Variants in ELFN2 observed in about 807,000 individuals in gnomAD.
The protein encoded by ELFN2 is extracellular leucine rich repeat and fibronectin type III domain containing 2.
ELFN2 carries 17 observed loss-of-function variants against 45.5 expected under a neutral mutation model. The ratio of observed to expected loss-of-function variants is 0.37; its 90% CI spans 0.26 to 0.56. The LOEUF is 0.56. Ranked by LOEUF, ELFN2 falls within the 20% of genes least tolerant of loss-of-function variation. The pLI, the probability that ELFN2 is intolerant of heterozygous loss-of-function variation, is 0.77. For synonymous variants in ELFN2, 550 were observed against 551.5 expected (o/e 1.00, Z 0.04); for missense variants, 922 against 1,183.2 (o/e 0.78, Z 3.24).
chr22:37,415,890 G>T (rs1049622471), intron 2 of ELFN2, among the ~76,000 whole-genome samples: 1 of 152,226 alleles, frequency 6.6e-6, no homozygotes, highest in Non-Finnish European at 1.5e-5. Context: ...TTGAACCCGG[G>T]AGACGGAGGT....
At chr22:37,424,357 C>T (rs1185507360) in intron 1 of ELFN2, among the ~76,000 whole-genome samples, 2 of 152,258 alleles carry the variant, frequency 1.3e-5, no homozygotes, top group Non-Finnish European at 2.9e-5. Flanking sequence ...AACAAGCATC[C>T]TACAAGACCT....
At chr22:37,403,879 G>C (rs951147107) in intron 2 of ELFN2, among the ~76,000 whole-genome samples, 1 of 152,224 alleles carries the variant, frequency 6.6e-6, no homozygotes, top group African/African-American at 2.4e-5. Flanking sequence ...AGCCTTCTGA[G>C]TCTCAGCTTC....
intron 2 of ELFN2, among the ~76,000 whole-genome samples, chr22:37,400,639 G>T (rs1447734155): frequency 1.3e-5 from 2 of 152,112 alleles, no homozygotes; most frequent in Non-Finnish European, 2.9e-5. Flanking sequence ...CGGTGGGCAC[G>T]CCTGCTGGGA....
chr22:37,350,520 G>A (rs1289287620), intron 1 of ELFN2, among the ~76,000 whole-genome samples: 4 of 150,374 alleles, frequency 2.7e-5, no homozygotes, highest in South Asian at 2.1e-4. Flanking sequence ...AGAGACAGCC[G>A]CAGGCCCTAT....
intron 2 of ELFN2, among the ~76,000 whole-genome samples, chr22:37,411,539 G>A (rs971908233): frequency 3.3e-5 from 5 of 151,614 alleles, no homozygotes; most frequent in Non-Finnish European, 5.9e-5. Context: ...TTTGCCTGAG[G>A]TCCAGAGGGA....
At chr22:37,405,104 T>TTTA (rs1932464793) in intron 2 of ELFN2, among the ~76,000 whole-genome samples, 1 of 148,846 alleles carries the variant, frequency 6.7e-6, no homozygotes, top group Non-Finnish European at 1.5e-5. Flanking sequence ...TTTTTTTTTT[T>TTTA]TTTTTTTTGA....
chr22:37,356,641 A>G (rs1057074817), intron 1 of ELFN2, among the ~76,000 whole-genome samples: 2 of 152,150 alleles, frequency 1.3e-5, no homozygotes, highest in Non-Finnish European at 1.5e-5. Flanking sequence ...CACGGCAGAC[A>G]CTTATGTGTG....
At chr22:37,388,665 C>T (rs1249792653) in intron 2 of ELFN2, among the ~76,000 whole-genome samples, 5 of 152,178 alleles carry the variant, frequency 3.3e-5, no homozygotes, top group Non-Finnish European at 5.9e-5. Context: ...TCCCTCCAGC[C>T]TCAGTTGGGC....
intron 2 of ELFN2, among the ~76,000 whole-genome samples, chr22:37,394,382 C>G (rs1455846901): frequency 1.3e-5 from 2 of 152,228 alleles, no homozygotes; most frequent in Non-Finnish European, 2.9e-5. Flanking sequence ...TCTTAATACC[C>G]TTTCAGCCGC....
At chr22:37,366,341 C>T (rs1931205919), downstream of ELFN2, among the ~76,000 whole-genome samples, 2 of 152,338 alleles carry the variant, frequency 1.3e-5, no homozygotes, top group African/African-American at 2.4e-5. Flanking sequence ...CTCCACCCAC[C>T]GGAGCAAAGC....
intron 1 of ELFN2, among the ~76,000 whole-genome samples, chr22:37,419,381 C>A (rs900227189): frequency 3.9e-5 from 6 of 152,070 alleles, no homozygotes; most frequent in Non-Finnish European, 1.5e-5. Flanking sequence ...CACACCCAGA[C>A]AGAATCCACA....
At chr22:37,385,350 G>A (rs1267551956) in intron 2 of ELFN2, 1 of 152,242 alleles carries the variant, frequency 6.6e-6, no homozygotes, top group African/African-American at 2.4e-5. Flanking sequence ...CAGCCTCCAC[G>A]GCCCCAGGCT....
chr22:37,425,464 T>C (rs984679130), intron 1 of ELFN2, among the ~76,000 whole-genome samples: 4 of 151,392 alleles, frequency 2.6e-5, no homozygotes, highest in African/African-American at 7.3e-5. Context: ...TTCCCACCCC[T>C]CATATACAAG....
At chr22:37,394,086 G>A (rs1388925292) in intron 2 of ELFN2, among the ~76,000 whole-genome samples, 1 of 152,170 alleles carries the variant, frequency 6.6e-6, no homozygotes, top group Non-Finnish European at 1.5e-5. Flanking sequence ...TGGAGCCTTT[G>A]CTCCTGGCCC....
Position 37,375,547 on chromosome 22 carries a change from GGAGT to G in ELFN2, c.-17_-14del. On this transcript the variant is annotated 5_prime_UTR_variant, in exon 3 of 3. Coordinates refer to ENST00000402918, the MANE Select transcript of ELFN2 (RefSeq NM_052906.5). The stretch of plus-strand genomic sequence containing the variant: ...CCAGGCGCAGCATGGCGCTGGCCTC[GGAGT>G]GAGGGGCCAGGGCAAGGCAGGGGGT... 1 of 1,532,460 alleles carries G rather than the reference GGAGT, an allele frequency of 6.5e-7. No individual in the cohort carries two copies. The allele number at this position is 1,532,460 out of a possible 1,614,324, so 94.9% of individuals were successfully genotyped here.
At chr22:37,411,285 C>T (rs889087613) in intron 2 of ELFN2, among the ~76,000 whole-genome samples, 19 of 152,168 alleles carry the variant, frequency 1.2e-4, no homozygotes, top group Admixed American at 3.9e-4. Flanking sequence ...GAGTGTCTAG[C>T]GGGGCAGCAA....
In ELFN2 at chr22:37,372,943, C is replaced by T. The variant is rs936116199; in HGVS notation, c.*129G>A. The stretch of plus-strand genomic sequence containing the variant: ...AGGTGTGTGTGTGCGTGCGTGCGTG[C>T]GGGTCTGCATGTGCGTCCTCTCCTG... On this transcript the variant is annotated 3_prime_UTR_variant, in exon 3 of 3. Coordinates refer to ENST00000402918, the MANE Select transcript of ELFN2 (RefSeq NM_052906.5). The surrounding 1 kb of genome is among the most constrained non-coding windows in gnomAD (Gnocchi z 4.4). 3 of 1,016,814 alleles carry T rather than the reference C, an allele frequency of 3.0e-6. No individual in the cohort carries two copies. Among genetic ancestry groups the T allele is most frequent in the Admixed American group, 2.9e-5 (1 of 34,806 alleles). The allele number at this position is 1,016,814 out of a possible 1,614,324, so 63.0% of individuals were successfully genotyped here.
downstream of ELFN2, among the ~76,000 whole-genome samples, chr22:37,364,463 G>A (rs1931158881): frequency 6.6e-6 from 1 of 152,218 alleles, no homozygotes; most frequent in Admixed American, 6.5e-5. Flanking sequence ...ACTCAGAGGG[G>A]ACAGGGGCCA....
chr22:37,378,682 G>A (rs1381116547), intron 2 of ELFN2, among the ~76,000 whole-genome samples: 1 of 152,216 alleles, frequency 6.6e-6, no homozygotes, highest in Non-Finnish European at 1.5e-5. Context: ...GCCCAGCTCC[G>A]ACCCACCCCC....
Sources: allele counts gnomAD v4.1 joint callset (sites outside exome capture counted in the v4.1 genomes callset), GRCh38; gene constraint gnomAD v4.1.1; non-coding constraint Gnocchi (gnomAD v3.1); transcripts MANE v1.5; gene names NCBI Gene and HGNC (gene_info 2026-07-23, HGNC 2026-07-21).